Variants in DNAH3 observed in about 807,000 individuals in gnomAD.
DNAH3 encodes dynein axonemal heavy chain 3, also known as axonemal beta dynein heavy chain 3.
In DNAH3, 332 loss-of-function variants were observed where a neutral mutation model predicts 432.5. That is an observed-to-expected ratio of 0.77 (90% confidence interval 0.70 to 0.84). DNAH3 has a LOEUF of 0.84. DNAH3 is among the 40% of genes least tolerant of loss of function. The pLI is 0.00. For synonymous variants in DNAH3, 1,956 were observed against 1,900.2 expected (o/e 1.03, Z -0.76); for missense variants, 4,861 against 5,114.0 (o/e 0.95, Z 1.51).
intron 38 of DNAH3, 43 bp downstream of exon 38, chr16:21,026,984 G>A (rs1158568416): frequency 7.1e-7 from 1 of 1,404,756 alleles, no homozygotes; most frequent in South Asian, 1.2e-5. Context: ...TAGGGTGAGT[G>A]GAGCCACACT....
intron 18 of DNAH3, 116 bp from the exon 19 acceptor site, chr16:21,087,176 CA>C: frequency 1.2e-6 from 1 of 861,474 alleles, no homozygotes; most frequent in South Asian, 1.6e-5. Context: ...GGAACACATA[CA>C]GGCTTTGAGG....
chr16:21,000,144 C>T, intron 43 of DNAH3, 80 bp downstream of exon 43: 5 of 1,463,438 alleles, frequency 3.4e-6, no homozygotes, highest in Non-Finnish European at 3.7e-6. Context: ...TGTACAGTGG[C>T]ACCACAAGCA....
chr16:20,940,544 C>T (rs989070090), intron 59 of DNAH3, among the ~76,000 whole-genome samples: 1 of 151,350 alleles, frequency 6.6e-6, no homozygotes, highest in African/African-American at 2.4e-5. Context: ...CCTCCCACTT[C>T]ACCCTCCCAA....
intron 3 of DNAH3, among the ~76,000 whole-genome samples, chr16:21,142,505 T>C (rs897980273): frequency 6.6e-6 from 1 of 152,100 alleles, no homozygotes; most frequent in African/African-American, 2.4e-5. Flanking sequence ...GAAAAACCAA[T>C]ATCATTTGCA....
exon 23 of DNAH3, chr16:21,069,438 A>G: frequency 6.2e-7 from 1 of 1,614,170 alleles, no homozygotes; most frequent in Non-Finnish European, 8.5e-7. Flanking sequence ...AGTGATTTCC[A>G]GTAACTATCA....
intron 27 of DNAH3, 77 bp downstream of exon 27, chr16:21,058,009 G>A: frequency 1.1e-6 from 1 of 899,266 alleles, no homozygotes; most frequent in Non-Finnish European, 1.9e-6. Context: ...ACAAAACATG[G>A]CTACTCTAAT....
chr16:20,990,669 T>C lies in DNAH3; in HGVS notation c.6602-2604A>G, dbSNP rs73536171. ...CAGAAAACCACACAAAACAAATGTA[T>C]AGTTTAGTAAATCATTATAAGGTTA... On this transcript the variant is annotated intron_variant, in intron 44 of 61. Transcript: ENST00000261383. 2.0e-3 allele frequency among the ~76,000 whole-genome samples: 310 copies of C among 152,284 alleles called. 2 individuals carry two copies. Among genetic ancestry groups the C allele is most frequent in the African/African-American group, 6.8e-3 (281 of 41,568 alleles).
intron 32 of DNAH3, 48 bp from the exon 33 acceptor site, chr16:21,039,991 T>G (rs759870259): frequency 2.1e-6 from 3 of 1,445,010 alleles, no homozygotes; most frequent in Non-Finnish European, 1.9e-6. Flanking sequence ...CAGTGAATAC[T>G]GAGGGAACGC....
At chr16:20,969,291 CAT>C (rs1491555675) in intron 52 of DNAH3, among the ~76,000 whole-genome samples, 11 of 143,130 alleles carry the variant, frequency 7.7e-5, no homozygotes, top group South Asian at 2.3e-4. Context: ...CATGTGTGTG[CAT>C]GTGTGTGTGT....
chr16:21,145,453 C>T, intron 2 of DNAH3, 47 bp from the exon 4 acceptor site: 2 of 1,522,654 alleles, frequency 1.3e-6, no homozygotes, highest in Non-Finnish European at 9.1e-7. Context: ...GAACATCTCT[C>T]GATGAGCCTG....
chr16:21,146,604 G>A (rs2092786989), intron 1 of DNAH3, among the ~76,000 whole-genome samples: 1 of 152,136 alleles, frequency 6.6e-6, no homozygotes, highest in Non-Finnish European at 1.5e-5. Flanking sequence ...TCTTTGCAGT[G>A]AGAACACATC....
At chr16:21,000,594 G>T in intron 42 of DNAH3, 76 bp from the exon 43 acceptor site, 1 of 1,339,134 alleles carries the variant, frequency 7.5e-7, no homozygotes, top group Non-Finnish European at 1.0e-6. Flanking sequence ...AGAGACCTGG[G>T]TTTACATTCT....
At chr16:20,964,509 G>T (rs1209453797) in exon 53 of DNAH3, 8 of 1,614,158 alleles carry the variant, frequency 5.0e-6, no homozygotes, top group Non-Finnish European at 6.8e-6. Context: ...TTTCAATCAA[G>T]ACAGGGGTGC....
intron 21 of DNAH3, among the ~76,000 whole-genome samples, chr16:21,071,573 T>C (rs1373454328): frequency 6.6e-6 from 1 of 152,102 alleles, no homozygotes; most frequent in Non-Finnish European, 1.5e-5. Context: ...GGACTTCTAC[T>C]TTCTTCCTTG....
At chr16:20,954,745 T>C (rs1400776040) in intron 55 of DNAH3, 68 bp downstream of exon 55, 7 of 1,547,698 alleles carry the variant, frequency 4.5e-6, no homozygotes, top group African/African-American at 1.4e-5. Flanking sequence ...AACACGCACC[T>C]GGAAACACAC....
chr16:21,048,511 G>A (rs2089812398), intron 31 of DNAH3, among the ~76,000 whole-genome samples: 1 of 152,202 alleles, frequency 6.6e-6, no homozygotes, highest in South Asian at 2.1e-4. Flanking sequence ...TCCCAGGTGA[G>A]GCAATGCCTC....
At chr16:21,048,552 A>G (rs1396478704) in intron 31 of DNAH3, among the ~76,000 whole-genome samples, 1 of 152,106 alleles carries the variant, frequency 6.6e-6, no homozygotes, top group Non-Finnish European at 1.5e-5. Context: ...CGGTGCACGC[A>G]CCCACTGACC....
In DNAH3 at chr16:21,051,975, A is replaced by G. The variant is rs886118755; in HGVS notation, c.4040-107T>C. 1.9e-5 allele frequency: 16 copies of G among 841,994 alleles called. No homozygotes were observed. The African/African-American group carries it at 2.4e-4, about 13-fold the overall frequency. 52.2% of individuals were successfully genotyped at this position (841,994 alleles called of 1,614,324 possible). ...TGTTATCAAGGTCCCCCATTCTCCA[A>G]ACTATTTTATTTTATTTTATTTTAT... On this transcript the variant is annotated intron_variant, in intron 28 of 61. Coordinates refer to ENST00000261383, the Ensembl canonical transcript of DNAH3.
At chr16:21,145,801 GCT>G (rs2092775882) in intron 2 of DNAH3, among the ~76,000 whole-genome samples, 181 bp downstream of exon 3, 1 of 152,188 alleles carries the variant, frequency 6.6e-6, no homozygotes. Context: ...CAATGGCATA[GCT>G]CTCTCTCCCA....
Sources: allele counts gnomAD v4.1 joint callset (sites outside exome capture counted in the v4.1 genomes callset), GRCh38; gene constraint gnomAD v4.1.1; transcripts MANE v1.5; gene names NCBI Gene and HGNC (gene_info 2026-07-23, HGNC 2026-07-21).